DOCK1: variants seen among roughly 807,000 people sequenced by gnomAD.
DOCK1 encodes the protein dedicator of cytokinesis protein 1.
A neutral mutation model predicts 262.7 loss-of-function variants in DOCK1; 138 were observed. That is an observed-to-expected ratio of 0.53 (90% CI 0.46 to 0.61). The LOEUF is 0.61. Ranked by LOEUF, DOCK1 falls within the 20% of genes least tolerant of loss-of-function variation. DOCK1 has a pLI of 0.00. For missense variants in DOCK1, 1,908 were observed against 2,370.7 expected (o/e 0.80, Z 4.05); for synonymous variants, 866 against 867.4 (o/e 1.00, Z 0.03).
intron 29 of DOCK1, among the ~76,000 whole-genome samples, chr10:127,330,672 C>T: frequency 6.6e-6 from 1 of 152,234 alleles, no homozygotes; most frequent in East Asian, 1.9e-4. Flanking sequence ...GCCAGCCATT[C>T]CGCAGACCAG....
chr10:127,363,922 C>T (rs1384093654), intron 33 of DOCK1, among the ~76,000 whole-genome samples: 1 of 152,216 alleles, frequency 6.6e-6, no homozygotes, highest in Non-Finnish European at 1.5e-5. Flanking sequence ...GTCTCCAATT[C>T]AAGCTTGTAA....
chr10:127,386,241 C>T lies in DOCK1; in HGVS notation c.3927+1332C>T, dbSNP rs185264196. 5.7e-3 allele frequency among the ~76,000 whole-genome samples: 865 copies of T among 152,246 alleles called. 7 individuals carry two copies. Among genetic ancestry groups the T allele is most frequent in the African/African-American group, 0.019 (799 of 41,530 alleles). ...AGAAAGTCTGACGTTTTCAGAATGG[C>T]ATGTGGGCTCCCAAAGGCTGGTTGG... is the stretch of plus-strand genomic sequence containing the variant. On this transcript the variant is annotated intron_variant, in intron 38 of 51. Transcript: ENST00000623213.
At chr10:127,393,710 G>A (rs1202692620) in intron 38 of DOCK1, among the ~76,000 whole-genome samples, 3 of 152,124 alleles carry the variant, frequency 2.0e-5, no homozygotes. Flanking sequence ...ATGATGTTCT[G>A]TTATCTTTCT....
chr10:127,397,941 G>A (rs1473014068), intron 38 of DOCK1, among the ~76,000 whole-genome samples: 1 of 152,140 alleles, frequency 6.6e-6, no homozygotes, highest in Admixed American at 6.6e-5. Flanking sequence ...AGTGGCTCCT[G>A]GATGACACAG....
chr10:127,338,985 A>G (rs1404189021), intron 29 of DOCK1, 21 bp from the exon 30 acceptor site: 2 of 1,560,350 alleles, frequency 1.3e-6, no homozygotes, highest in Non-Finnish European at 1.7e-6. Context: ...GTAATTATGT[A>G]ATTTTCTCTT....
intron 10 of DOCK1, among the ~76,000 whole-genome samples, chr10:127,003,817 G>A (rs1267931712): frequency 6.6e-6 from 1 of 152,120 alleles, no homozygotes; most frequent in African/African-American, 2.4e-5. Context: ...AGCCAGGCAT[G>A]GTGGTGCATG....
At chr10:127,080,465 G>A (rs998690892) in intron 23 of DOCK1, among the ~76,000 whole-genome samples, 1 of 152,110 alleles carries the variant, frequency 6.6e-6, no homozygotes, top group South Asian at 2.1e-4. Flanking sequence ...CTTTTGTATT[G>A]TAATTACTAT....
chr10:127,049,299 T>A (rs1463666410), intron 21 of DOCK1, among the ~76,000 whole-genome samples: 1 of 152,120 alleles, frequency 6.6e-6, no homozygotes, highest in Non-Finnish European at 1.5e-5. Flanking sequence ...GGTGGGTGGA[T>A]CAGTTGAGTT....
chr10:126,949,423 C>A (rs1304291670), intron 1 of DOCK1, among the ~76,000 whole-genome samples: 1 of 152,138 alleles, frequency 6.6e-6, no homozygotes, highest in African/African-American at 2.4e-5. Context: ...GCAGTGAACA[C>A]ACCTACCAAC....
chr10:127,017,112 T>TA, intron 12 of DOCK1, among the ~76,000 whole-genome samples: 3 of 53,924 alleles, frequency 5.6e-5, no homozygotes, highest in African/African-American at 2.6e-4. Context: ...CACCAACACA[T>TA]GATACACCAT....
intron 27 of DOCK1, among the ~76,000 whole-genome samples, chr10:127,178,230 G>A (rs1288418880): frequency 6.6e-6 from 1 of 152,234 alleles, no homozygotes; most frequent in Non-Finnish European, 1.5e-5. Context: ...ATGAAAGAGT[G>A]AAGGAATCAA....
intron 27 of DOCK1, 95 bp downstream of exon 27, chr10:127,127,859 T>A: frequency 9.9e-7 from 1 of 1,012,172 alleles, no homozygotes; most frequent in Admixed American, 2.1e-5. Flanking sequence ...TACTGCAATG[T>A]AGTGAGCAGT....
intron 6 of DOCK1, among the ~76,000 whole-genome samples, chr10:126,990,956 A>G (rs2039744157): frequency 6.6e-6 from 1 of 152,204 alleles, no homozygotes; most frequent in Non-Finnish European, 1.5e-5. Context: ...GGGGCCTTGC[A>G]TAGTGACAAG....
intron 29 of DOCK1, among the ~76,000 whole-genome samples, chr10:127,315,890 G>A (rs1229499551): frequency 1.3e-5 from 2 of 152,016 alleles, no homozygotes; most frequent in African/African-American, 4.8e-5. Context: ...GTAGAGACGG[G>A]GTTTCACCAT....
At chr10:127,359,434 T>G (rs1291257082) in intron 32 of DOCK1, among the ~76,000 whole-genome samples, 1 of 152,212 alleles carries the variant, frequency 6.6e-6, no homozygotes, top group African/African-American at 2.4e-5. Flanking sequence ...AGACAGAACT[T>G]TATGACGCTG....
chr10:127,376,602 A>G (rs1343693946), intron 35 of DOCK1, among the ~76,000 whole-genome samples: 1 of 152,220 alleles, frequency 6.6e-6, no homozygotes. Context: ...AATGTGATTG[A>G]CGTGAAATAG....
At position 127,362,075 on chromosome 10, in the gene DOCK1, A is replaced by G. The variant is rs771076238; in HGVS notation, c.3295A>G (p.Ile1099Val). 6.2e-7 allele frequency: 1 copy of G among 1,610,570 alleles called. No homozygotes were observed. The highest frequency in any genetic ancestry group is 1.1e-5 in the South Asian group (1 of 89,872). ...DMWYNLGQHK[I>V]KFIPEMVGPI... ...CTCTTTTTTCCAAGGTCAACACAAG[A>G]TAAAGTTCATTCCAGAAATGGTGGG... The change falls in exon 33 of 52, where the codon ATA (isoleucine) becomes GTA (valine). Residue 1099 changes from isoleucine to valine, a missense_variant. Ile to Val is a conservative substitution (Grantham distance 29, BLOSUM62 3). Transcript: ENST00000623213.
chr10:127,376,616 C>A (rs563806313), intron 35 of DOCK1, among the ~76,000 whole-genome samples: 1 of 152,308 alleles, frequency 6.6e-6, no homozygotes, highest in African/African-American at 2.4e-5. Context: ...GAAATAGGAA[C>A]TATTATTTTT....
At chr10:127,408,833 A>G (rs940540447) in intron 40 of DOCK1, among the ~76,000 whole-genome samples, 6 of 152,202 alleles carry the variant, frequency 3.9e-5, no homozygotes, top group Non-Finnish European at 8.8e-5. Flanking sequence ...CTTAAACAGT[A>G]TTAACTTACA....
Sources: allele counts gnomAD v4.1 joint callset (sites outside exome capture counted in the v4.1 genomes callset), GRCh38; gene constraint gnomAD v4.1.1; transcripts MANE v1.5; gene names NCBI Gene and HGNC (gene_info 2026-07-23, HGNC 2026-07-21).